UTY: variants seen among roughly 807,000 people sequenced by gnomAD.
UTY encodes histone demethylase UTY.
A neutral mutation model predicts 32.5 loss-of-function variants in UTY; 12 were observed. The ratio of observed to expected loss-of-function variants is 0.37; its 90% CI spans 0.24 to 0.60. The LOEUF is 0.60. Among genes scored for constraint, UTY ranks in the 20% least tolerant of loss-of-function variants. The pLI, the probability that UTY is intolerant of heterozygous loss-of-function variation, is 0.69. For synonymous variants in UTY, 131 were observed against 103.4 expected, an observed-to-expected ratio of 1.27 and a Z score of -1.62; for missense variants, 303 against 299.2, an observed-to-expected ratio of 1.01 and a Z score of -0.09.
At chrY:13,330,538 G>A (rs990374377) in intron 18 of UTY, among the ~76,000 whole-genome samples, 6 of 33,753 alleles carry the variant, frequency 1.8e-4, no homozygotes, top group Non-Finnish European at 3.7e-4. Flanking sequence ...AGATTCCCTC[G>A]TGTGCTTATA....
At chrY:13,346,624 T>C in intron 17 of UTY, among the ~76,000 whole-genome samples, 4 of 33,177 alleles carry the variant, frequency 1.2e-4, no homozygotes, top group Admixed American at 5.4e-4. Flanking sequence ...AGGAACCCCA[T>C]CACTGGAAAA....
chrY:13,377,011 A>C (rs1040032657), intron 8 of UTY, among the ~76,000 whole-genome samples: 2 of 34,014 alleles, frequency 5.9e-5, no homozygotes, highest in African/African-American at 2.3e-4. Context: ...GACAGAATCT[A>C]CATCACAAAA....
chrY:13,329,588 T>C, intron 18 of UTY, among the ~76,000 whole-genome samples: 3 of 34,111 alleles, frequency 8.8e-5, no homozygotes, highest in Non-Finnish European at 2.2e-4. Context: ...TAAAACTGAC[T>C]GTGATAATGA....
intron 12 of UTY, 32 bp from the exon 13 acceptor site, chrY:13,359,254 CACAAGCCTACTTGAGTAAGA>C (rs2063280707): frequency 2.6e-6 from 1 of 379,012 alleles, no homozygotes; most frequent in Admixed American, 8.5e-5. Context: ...GCAAATTTAA[CACAAGCCTACTTGAGTAAGA>C]GCAAGTCCAC....
In UTY at chrY:13,344,527, C is replaced by T. The variant is rs753666320; in HGVS notation, c.2062-8192G>A. Among the ~76,000 whole-genome samples the T allele has an allele frequency of 1.2e-4, 4 of 33,814 alleles. No individual in the cohort carries two copies. The South Asian group carries it at 2.6e-3, about 22-fold the overall frequency. 90.7% of individuals were successfully genotyped at this position (33,814 alleles called of 37,273 possible). A position where few individuals can be genotyped will look rare whatever the true frequency, so the allele number is the denominator to read the frequency against. On this transcript the variant is annotated intron_variant, in intron 17 of 29. Coordinates refer to ENST00000545955, the MANE Select transcript of UTY (RefSeq NM_001258249.2). ...GCCGGTACATGCTAGTGTTTGTCTG[C>T]ACTTTCTCAAGGTGGGTCAAGGCAT...
intron 27 of UTY, among the ~76,000 whole-genome samples, chrY:13,277,900 T>C (rs2056791558): frequency 3.0e-5 from 1 of 33,507 alleles, no homozygotes; most frequent in African/African-American, 1.2e-4. Context: ...GAGAGACCAG[T>C]GAGGGAAGCC....
intron 18 of UTY, among the ~76,000 whole-genome samples, chrY:13,332,334 T>C: frequency 3.0e-5 from 1 of 33,625 alleles, no homozygotes; most frequent in Admixed American, 2.7e-4. Context: ...CTGATGAACA[T>C]TGATGAAGAA....
intron 2 of UTY, among the ~76,000 whole-genome samples, chrY:13,474,477 C>T (rs535574448): frequency 6.1e-5 from 2 of 32,770 alleles, no homozygotes; most frequent in African/African-American, 2.4e-4. Context: ...TTATAGTAAC[C>T]TATATTTTAA....
chrY:13,259,388 ACACATAACATAGTC>A (rs2055099697), intron 28 of UTY, among the ~76,000 whole-genome samples: 1 of 33,958 alleles, frequency 2.9e-5, no homozygotes, highest in Non-Finnish European at 7.3e-5. Flanking sequence ...TTTTTCTGAA[ACACATAACATAGTC>A]CTCTGCTCAG....
chrY:13,454,195 T>C, intron 3 of UTY, among the ~76,000 whole-genome samples: 1 of 33,020 alleles, frequency 3.0e-5, no homozygotes, highest in African/African-American at 1.2e-4. Context: ...CAAAGGCTGC[T>C]GTGAGCCAAG....
intron 21 of UTY, among the ~76,000 whole-genome samples, chrY:13,310,235 A>G (rs2148823097): frequency 3.2e-5 from 1 of 31,486 alleles, no homozygotes; most frequent in East Asian, 8.0e-4. Flanking sequence ...AAAAAAAAAA[A>G]AAATTCCATT....
At chrY:13,340,483 C>T in intron 17 of UTY, among the ~76,000 whole-genome samples, 1 of 33,039 alleles carries the variant, frequency 3.0e-5, no homozygotes, top group African/African-American at 1.2e-4. Flanking sequence ...CAGACAACAC[C>T]ACACAGAGAG....
At chrY:13,261,793 A>G (rs2148451052) in intron 27 of UTY, among the ~76,000 whole-genome samples, 10 of 33,717 alleles carry the variant, frequency 3.0e-4, no homozygotes, top group Admixed American at 2.7e-3. Flanking sequence ...TATAAAATAC[A>G]TAATTTTCAG....
Position 13,355,255 on chromosome Y carries a change from T to G in UTY, c.1809A>C (p.Gly603=). ...LTRVSSVSQP[G]VRPACVEKLL... is the part of the protein sequence containing the mutation. The stretch of plus-strand genomic sequence containing the variant: ...GTTTTTCAACACAAGCAGGGCGAAC[T>G]CCAGGCTGAGAGACGCTAGATACTC... The change falls in exon 17 of 30, where the codon GGA becomes GGC. Residue 603 remains glycine, a synonymous_variant. Coordinates refer to ENST00000545955, the MANE Select transcript of UTY (RefSeq NM_001258249.2). 4 of 397,442 alleles carry G rather than the reference T, an allele frequency of 1.0e-5. No homozygotes were observed. Among genetic ancestry groups the G allele is most frequent in the Non-Finnish European group, 1.4e-5 (4 of 282,805 alleles).
chrY:13,296,138 C>T, intron 27 of UTY, among the ~76,000 whole-genome samples: 1 of 33,792 alleles, frequency 3.0e-5, no homozygotes, highest in Non-Finnish European at 7.4e-5. Context: ...GTAGAAGCTG[C>T]CAAGGTTCCA....
At chrY:13,323,894 T>C in intron 20 of UTY, 134 bp from the exon 21 acceptor site, 1 of 155,870 alleles carries the variant, frequency 6.4e-6, no homozygotes, top group Non-Finnish European at 1.2e-5. Context: ...ACACAGCAGG[T>C]CCTTGAAGCT....
intron 3 of UTY, among the ~76,000 whole-genome samples, chrY:13,458,553 A>ATGC (rs2077048707): frequency 3.0e-5 from 1 of 33,515 alleles, no homozygotes; most frequent in Non-Finnish European, 7.4e-5. Context: ...TTGGCTGCAT[A>ATGC]AATGTCTTCT....
intron 28 of UTY, among the ~76,000 whole-genome samples, chrY:13,240,594 C>T: frequency 3.0e-5 from 1 of 33,795 alleles, no homozygotes; most frequent in South Asian, 6.5e-4. Context: ...CTCATCAGCA[C>T]ATGAAAGATC....
chrY:13,298,777 A>G, intron 26 of UTY, among the ~76,000 whole-genome samples, 180 bp downstream of exon 26: 2 of 29,712 alleles, frequency 6.7e-5, no homozygotes, highest in African/African-American at 2.6e-4. Flanking sequence ...AAAAAAAAAA[A>G]AAAAGTGTTC....
Sources: gnomAD v4.1 joint callset for allele counts (sites outside exome capture counted in the v4.1 genomes callset) on GRCh38, gnomAD v4.1.1 for gene constraint, MANE v1.5 for transcripts, NCBI Gene and HGNC (gene_info 2026-07-23, HGNC 2026-07-21) for gene names.